PDZRN4: variants seen among roughly 807,000 people sequenced by gnomAD.
The protein encoded by PDZRN4 is PDZ domain containing ring finger 4, also known as PDZ domain-containing RING finger protein 4.
In PDZRN4, 70 loss-of-function variants were observed where a neutral mutation model predicts 99.0. The observed-to-expected ratio is 0.71, with a 90% CI of 0.58 to 0.86. The LOEUF (loss-of-function observed/expected upper bound fraction) is 0.86, where lower values mean the gene tolerates loss of function less well. Ranked by LOEUF, PDZRN4 falls within the 40% of genes least tolerant of loss-of-function variation. The pLI, the probability that PDZRN4 is intolerant of heterozygous loss-of-function variation, is 0.00. For synonymous variants in PDZRN4, 551 were observed against 501.6 expected (o/e 1.10, Z -1.32); for missense variants, 1,474 against 1,331.2 (o/e 1.11, Z -1.67).
chr12:41,188,868 G>C lies in PDZRN4; in HGVS notation c.413G>C (p.Arg138Thr). ...CGGGGGGGCTGCGGTCCGACACCCAGGGCTGGCCGGGGCGGGGGCGCGCGC... is the reference window on the plus strand; with the variant it reads ...CGGGGGGGCTGCGGTCCGACACCCACGGCTGGCCGGGGCGGGGGCGCGCGC... ...PARGGCGPTPRAGRGGGARGG... is the reference protein window; with the variant it reads ...PARGGCGPTPTAGRGGGARGG... Residue 138 changes from arginine to threonine, a missense_variant, in exon 1 of 10, where the codon AGG becomes ACG. Arg to Thr is a moderately conservative substitution (Grantham distance 71, BLOSUM62 -1). Transcript: ENST00000402685. 8.6e-7 allele frequency: 1 copy of C among 1,163,676 alleles called. No homozygotes were observed. Among genetic ancestry groups the C allele is most frequent in the Middle Eastern group, 3.5e-4 (1 of 2,864 alleles). 72.1% of individuals were successfully genotyped at this position (1,163,676 alleles called of 1,614,324 possible). A position where few individuals can be genotyped will look rare whatever the true frequency, so the allele number is the denominator to read the frequency against.
At chr12:41,496,587 G>A (rs569582700) in intron 3 of PDZRN4, among the ~76,000 whole-genome samples, 3 of 152,194 alleles carry the variant, frequency 2.0e-5, no homozygotes, top group East Asian at 3.9e-4. Context: ...TAAGAGCAGA[G>A]CAGCCCTGAC....
chr12:41,499,845 C>T (rs1003832343), intron 3 of PDZRN4, among the ~76,000 whole-genome samples: 1 of 152,066 alleles, frequency 6.6e-6, no homozygotes, highest in Admixed American at 6.6e-5. Flanking sequence ...GTGTCACAAT[C>T]TATTAACTAA....
chr12:41,395,512 C>G (rs543101363), intron 3 of PDZRN4, among the ~76,000 whole-genome samples: 1 of 152,260 alleles, frequency 6.6e-6, no homozygotes, highest in African/African-American at 2.4e-5. Context: ...ATTTTCTTTG[C>G]TGCTTCCAGT....
chr12:41,547,597 C>T (rs975548694), intron 5 of PDZRN4, among the ~76,000 whole-genome samples: 1 of 152,006 alleles, frequency 6.6e-6, no homozygotes, highest in African/African-American at 2.4e-5. Context: ...TGCATTCCAG[C>T]CTGGGCGACA....
At chr12:41,267,142 T>C (rs962562244) in intron 3 of PDZRN4, among the ~76,000 whole-genome samples, 1 of 152,220 alleles carries the variant, frequency 6.6e-6, no homozygotes, top group Non-Finnish European at 1.5e-5. Context: ...ATCCAGACTT[T>C]GGCTATCATC....
In PDZRN4 at chr12:41,369,487, G is replaced by A. The variant is rs187265367; in HGVS notation, c.844-136969G>A. On this transcript the variant is annotated intron_variant, in intron 3 of 9. Coordinates refer to ENST00000402685, the MANE Select transcript of PDZRN4 (RefSeq NM_001164595.2). ...AACTATTTTGTTTGCACTTAACATTGTATCAATTCTCTTTTTAATTTTCAT... is the reference window on the plus strand; with the variant it reads ...AACTATTTTGTTTGCACTTAACATTATATCAATTCTCTTTTTAATTTTCAT... 9.7e-4 allele frequency among the ~76,000 whole-genome samples: 148 copies of A among 151,932 alleles called. 1 individual carries two copies. The East Asian group carries it at 0.019, about 20-fold the overall frequency.
chr12:41,252,047 T>C (rs117711743), intron 3 of PDZRN4, among the ~76,000 whole-genome samples: 1,752 of 151,998 alleles, frequency 0.012, 52 homozygotes, highest in East Asian at 0.1. Flanking sequence ...GCCCAGGAGA[T>C]AGAGGATGCA....
intron 3 of PDZRN4, among the ~76,000 whole-genome samples, chr12:41,232,896 C>T (rs1173918833): frequency 6.6e-6 from 1 of 152,062 alleles, no homozygotes; most frequent in Non-Finnish European, 1.5e-5. Flanking sequence ...TATGGCTAGC[C>T]AATTTTCCAC....
At chr12:41,229,307 G>C (rs1951014504) in intron 3 of PDZRN4, among the ~76,000 whole-genome samples, 1 of 151,844 alleles carries the variant, frequency 6.6e-6, no homozygotes. Flanking sequence ...ATCTTTTAAA[G>C]TTCCCTATTC....
intron 9 of PDZRN4, among the ~76,000 whole-genome samples, chr12:41,569,837 C>T (rs964714920): frequency 1.3e-5 from 2 of 152,138 alleles, no homozygotes; most frequent in East Asian, 1.9e-4. Flanking sequence ...TTCATGCTCA[C>T]AAGTAATATC....
chr12:41,423,604 T>C (rs937638267), intron 3 of PDZRN4, among the ~76,000 whole-genome samples: 46 of 152,160 alleles, frequency 3.0e-4, no homozygotes, highest in African/African-American at 1.1e-3. Flanking sequence ...ATAACAGGCA[T>C]ACTGTCATAA....
At chr12:41,570,991 A>G (rs946613487) in intron 9 of PDZRN4, among the ~76,000 whole-genome samples, 1 of 152,170 alleles carries the variant, frequency 6.6e-6, no homozygotes, top group Non-Finnish European at 1.5e-5. Context: ...GAACAAAATA[A>G]CAATTATCTA....
intron 3 of PDZRN4, among the ~76,000 whole-genome samples, chr12:41,454,229 T>C (rs984062553): frequency 1.7e-4 from 26 of 152,154 alleles, no homozygotes; most frequent in African/African-American, 5.8e-4. Flanking sequence ...CAGCAAGATA[T>C]CTCTGCAATA....
intron 3 of PDZRN4, among the ~76,000 whole-genome samples, chr12:41,375,233 G>T (rs1952070501): frequency 6.6e-6 from 1 of 152,142 alleles, no homozygotes; most frequent in African/African-American, 2.4e-5. Context: ...CTTACTCTCA[G>T]AAACTATACA....
At chr12:41,318,236 C>T (rs1488711479) in intron 3 of PDZRN4, among the ~76,000 whole-genome samples, 2 of 152,042 alleles carry the variant, frequency 1.3e-5, no homozygotes, top group South Asian at 4.1e-4. Context: ...GCATGTTTTC[C>T]TTCATTGTTT....
At chr12:41,336,761 G>T (rs1313775693) in intron 3 of PDZRN4, among the ~76,000 whole-genome samples, 1 of 152,074 alleles carries the variant, frequency 6.6e-6, no homozygotes, top group African/African-American at 2.4e-5. Flanking sequence ...GATTGGTCAG[G>T]TTGAAGATGG....
chr12:41,549,740 G>A (rs1483174609), intron 5 of PDZRN4, among the ~76,000 whole-genome samples: 2 of 152,156 alleles, frequency 1.3e-5, no homozygotes, highest in African/African-American at 2.4e-5. Flanking sequence ...AGATATTTAT[G>A]TATCAATTAT....
At chr12:41,244,723 G>A (rs949362243) in intron 3 of PDZRN4, among the ~76,000 whole-genome samples, 71 of 147,930 alleles carry the variant, frequency 4.8e-4, no homozygotes, top group African/African-American at 1.6e-3. Context: ...TGTCGCCCAG[G>A]CCAGACTGCG....
chr12:41,232,902 T>TTAAATAG, intron 3 of PDZRN4, among the ~76,000 whole-genome samples: 1 of 152,140 alleles, frequency 6.6e-6, no homozygotes, highest in Non-Finnish European at 1.5e-5. Context: ...TAGCCAATTT[T>TTAAATAG]CCACACCATT....
Sources: gnomAD v4.1 joint callset for allele counts (sites outside exome capture counted in the v4.1 genomes callset) on GRCh38, gnomAD v4.1.1 for gene constraint, MANE v1.5 for transcripts, NCBI Gene and HGNC (gene_info 2026-07-23, HGNC 2026-07-21) for gene names.